The following ASPRV1 variants were observed in gnomAD, a reference collection of about 807,000 sequenced individuals.
The protein encoded by ASPRV1 is retroviral-like aspartic protease 1.
Under a neutral mutation model 11.0 loss-of-function variants are expected in ASPRV1, and 7 were observed. The ratio of observed to expected loss-of-function variants is 0.64; its 90% CI spans 0.36 to 1.20. The LOEUF (loss-of-function observed/expected upper bound fraction) is 1.20. ASPRV1 is among the 50% of genes most tolerant of loss of function. ASPRV1 has a pLI of 0.02. For missense variants in ASPRV1, 299 were observed against 320.0 expected (o/e 0.93, Z 0.50); for synonymous variants, 136 against 138.4 (o/e 0.98, Z 0.12).
At chr2:69,976,059 A>C in the ASPRV1 span, 1 of 152,624 alleles carries the variant, frequency 6.6e-6, no homozygotes, top group Non-Finnish European at 1.5e-5. Flanking sequence ...AAAACAGGCA[A>C]GATAAAATCT....
At chr2:70,081,422 G>A in the ASPRV1 span, 1 of 151,496 alleles carries the variant, frequency 6.6e-6, no homozygotes, top group Non-Finnish European at 1.5e-5. Context: ...TTGAACCCGG[G>A]AAGCAGAGGT....
chr2:69,942,398 T>G, the ASPRV1 span: 1 of 152,194 alleles, frequency 6.6e-6, no homozygotes, highest in African/African-American at 2.4e-5. Flanking sequence ...GATGATTTTC[T>G]CAGATTCTTC....
chr2:70,033,294 C>T, the ASPRV1 span, among the ~76,000 whole-genome samples: 1 of 151,322 alleles, frequency 6.6e-6, no homozygotes, highest in Non-Finnish European at 1.5e-5. Context: ...CACACACACA[C>T]ACACACACAC....
At position 69,961,145 on chromosome 2, in the gene ASPRV1, G is replaced by A; in HGVS notation, c.292C>T (p.Leu98=). The change falls in exon 1 of 1, where the codon CTG becomes TTG. Residue 98 remains leucine, a synonymous_variant. Transcript: ENST00000320256. The part of the protein sequence containing the change: ...FGVPGAAPSH[L]PKEIVFANSM... ...TTGGCAAAGACGATCTCTTTGGGCA[G>A]GTGGCTGGGGGCAGCCCCAGGGACC... 6.2e-7 allele frequency: 1 copy of A among 1,613,894 alleles called. No individual in the cohort carries two copies. The highest frequency in any genetic ancestry group is 8.5e-7 in the Non-Finnish European group (1 of 1,179,872).
At chr2:70,003,057 C>T in the ASPRV1 span, 2 of 152,216 alleles carry the variant, frequency 1.3e-5, no homozygotes, top group Non-Finnish European at 2.9e-5. Flanking sequence ...TCAGTTAAAT[C>T]CTCTGTAGAA....
the ASPRV1 span, among the ~76,000 whole-genome samples, chr2:69,969,474 C>T: frequency 2.0e-5 from 3 of 152,246 alleles, no homozygotes; most frequent in East Asian, 5.8e-4. Flanking sequence ...TTCTGTATCC[C>T]AAGTTTCTGG....
At chr2:69,963,128 T>G (rs1395787658), upstream of ASPRV1, 11 of 390,732 alleles carry the variant, frequency 2.8e-5, no homozygotes, top group East Asian at 7.9e-4. Flanking sequence ...CCAACCACAA[T>G]GCAAGACTGT....
chr2:70,018,312 C>A, the ASPRV1 span, among the ~76,000 whole-genome samples: 8 of 151,866 alleles, frequency 5.3e-5, no homozygotes, highest in African/African-American at 1.9e-4. Flanking sequence ...GCTGTGTCCA[C>A]GGTTTGGAAG....
the ASPRV1 span, among the ~76,000 whole-genome samples, chr2:70,009,349 A>G: frequency 2.6e-4 from 25 of 94,576 alleles, no homozygotes; most frequent in African/African-American, 1.4e-3. Context: ...TTTATTTTAG[A>G]GATGGAGTCT....
the ASPRV1 span, among the ~76,000 whole-genome samples, chr2:69,968,703 C>A: frequency 6.6e-6 from 1 of 152,220 alleles, no homozygotes; most frequent in African/African-American, 2.4e-5. Context: ...TGTGCCAAGA[C>A]CCTCCCCAGC....
the ASPRV1 span, among the ~76,000 whole-genome samples, chr2:70,043,617 T>C: frequency 6.6e-6 from 1 of 152,236 alleles, no homozygotes; most frequent in African/African-American, 2.4e-5. Context: ...CATTGGGAAA[T>C]TGAGACCAGA....
At chr2:70,000,091 T>A in the ASPRV1 span, among the ~76,000 whole-genome samples, 1 of 152,194 alleles carries the variant, frequency 6.6e-6, no homozygotes, top group African/African-American at 2.4e-5. Context: ...TTGGAAAGCC[T>A]ATACAGACTA....
the ASPRV1 span, among the ~76,000 whole-genome samples, chr2:69,950,357 C>T: frequency 6.6e-6 from 1 of 152,146 alleles, no homozygotes; most frequent in Non-Finnish European, 1.5e-5. Context: ...CATCTCTAAG[C>T]CTGGGCTTTA....
At chr2:69,999,030 A>G in the ASPRV1 span, among the ~76,000 whole-genome samples, 3 of 152,218 alleles carry the variant, frequency 2.0e-5, no homozygotes, top group African/African-American at 4.8e-5. Flanking sequence ...GTGGAGGTCA[A>G]TGACAGTGAG....
the ASPRV1 span, among the ~76,000 whole-genome samples, chr2:70,039,027 C>T: frequency 3.3e-5 from 5 of 149,384 alleles, no homozygotes; most frequent in African/African-American, 7.4e-5. Context: ...TGCAGTAAGC[C>T]GAGATCATGC....
the ASPRV1 span, among the ~76,000 whole-genome samples, chr2:69,936,193 G>C: frequency 6.6e-6 from 1 of 151,976 alleles, no homozygotes; most frequent in Non-Finnish European, 1.5e-5. Context: ...ATAATCCTTC[G>C]CTGACTTTCC....
Position 69,960,788 on chromosome 2 carries a change from G to T in ASPRV1, c.649C>A (p.Arg217Ser). ...DHNAILDFEH[R>S]TCTLKGKKFR... Reference sequence around the variant, plus strand: ...TTCTTCCCTTTCAGGGTGCATGTGCGGTGCTCAAAGTCCAGGATAGCATTG... The same window carrying T: ...TTCTTCCCTTTCAGGGTGCATGTGCTGTGCTCAAAGTCCAGGATAGCATTG... The change falls in exon 1 of 1, where the codon CGC (arginine) becomes AGC (serine). Residue 217 changes from arginine to serine, a missense_variant. By Grantham distance (110) the Arg-to-Ser change is moderately radical. Coordinates refer to ENST00000320256, the MANE Select transcript of ASPRV1 (RefSeq NM_152792.4). 1 of 1,614,052 alleles carries T rather than the reference G, an allele frequency of 6.2e-7. No homozygotes were observed. Among genetic ancestry groups the T allele is most frequent in the Non-Finnish European group, 8.5e-7 (1 of 1,180,000 alleles).
At chr2:70,000,200 G>T in the ASPRV1 span, among the ~76,000 whole-genome samples, 4 of 151,856 alleles carry the variant, frequency 2.6e-5, no homozygotes, top group South Asian at 4.2e-4. Context: ...TAATATATGA[G>T]AATTGGGCAA....
At chr2:70,060,787 G>T in the ASPRV1 span, among the ~76,000 whole-genome samples, 1 of 152,326 alleles carries the variant, frequency 6.6e-6, no homozygotes, top group Middle Eastern at 3.4e-3. Context: ...CTGCACTCCA[G>T]CCCGGGCAAC....
Sources: allele counts gnomAD v4.1 joint callset (sites outside exome capture counted in the v4.1 genomes callset), GRCh38; gene constraint gnomAD v4.1.1; transcripts MANE v1.5; gene names NCBI Gene and HGNC (gene_info 2026-07-23, HGNC 2026-07-21).